The following CWC22 variants were observed in gnomAD, a reference collection of about 807,000 sequenced individuals.
CWC22 encodes pre-mRNA-splicing factor CWC22 homolog.
In CWC22, 53 loss-of-function variants were observed where a neutral mutation model predicts 117.2. The ratio of observed to expected loss-of-function variants is 0.45; its 90% CI spans 0.36 to 0.57. The LOEUF is 0.57. Among genes scored for constraint, CWC22 ranks in the 20% least tolerant of loss-of-function variants. The pLI, the probability that CWC22 is intolerant of heterozygous loss-of-function variation, is 0.00. For synonymous variants in CWC22, 360 were observed against 355.6 expected (o/e 1.01, Z -0.14); for missense variants, 980 against 1,068.8 (o/e 0.92, Z 1.16).
chr2:179,970,255 C>T (rs185734778), intron 11 of CWC22, among the ~76,000 whole-genome samples: 2 of 151,956 alleles, frequency 1.3e-5, no homozygotes, highest in Non-Finnish European at 2.9e-5. Flanking sequence ...ATGGGTGAGA[C>T]GTAAGTGTTG....
At chr2:180,003,196 A>C (rs1687887661) in intron 1 of CWC22, among the ~76,000 whole-genome samples, 1 of 152,218 alleles carries the variant, frequency 6.6e-6, no homozygotes, top group African/African-American at 2.4e-5. Flanking sequence ...CAACACTATC[A>C]GATGCCACCC....
At chr2:179,960,903 G>A (rs181994681) in intron 13 of CWC22, among the ~76,000 whole-genome samples, 6 of 152,116 alleles carry the variant, frequency 3.9e-5, no homozygotes, top group Admixed American at 2.6e-4. Context: ...CAGTGTGGAA[G>A]AGTAAATGAT....
At chr2:179,989,244 AATAATAATTATT>A (rs1203762847) in intron 2 of CWC22, among the ~76,000 whole-genome samples, 3 of 2,412 alleles carry the variant, frequency 1.2e-3, no homozygotes, top group Non-Finnish European at 6.4e-3. Flanking sequence ...AATAAGTTAT[AATAATAATTATT>A]ATTATTATTA....
intron 13 of CWC22, among the ~76,000 whole-genome samples, chr2:179,963,256 G>T (rs1686799302): frequency 6.7e-6 from 1 of 150,102 alleles, no homozygotes; most frequent in Non-Finnish European, 1.5e-5. Flanking sequence ...CAAATGAAAG[G>T]TCAAACCCAA....
intron 1 of CWC22, 77 bp from the exon 2 acceptor site, chr2:179,993,531 G>A: frequency 3.4e-5 from 18 of 523,402 alleles, no homozygotes; most frequent in South Asian, 8.8e-5. Context: ...TCTATACAAT[G>A]GACATTTGAC....
chr2:179,969,590 T>A (rs905471199), intron 11 of CWC22, among the ~76,000 whole-genome samples: 7 of 152,176 alleles, frequency 4.6e-5, no homozygotes, highest in South Asian at 2.1e-4. Flanking sequence ...TAAAATTACA[T>A]TTTGCCCAAT....
intron 16 of CWC22, 133 bp from the exon 17 acceptor site, chr2:179,952,731 A>G (rs1445758489): frequency 1.1e-5 from 5 of 470,624 alleles, no homozygotes; most frequent in African/African-American, 8.1e-5. Flanking sequence ...TTATCTCTGA[A>G]TATCTCCCCT....
At chr2:179,998,454 G>A (rs1687763223) in intron 1 of CWC22, among the ~76,000 whole-genome samples, 1 of 151,912 alleles carries the variant, frequency 6.6e-6, no homozygotes, top group African/African-American at 2.4e-5. Context: ...GAGAATTCAA[G>A]CAATTTGTCC....
chr2:179,997,593 T>A (rs12468986), intron 1 of CWC22, among the ~76,000 whole-genome samples: 1 of 152,096 alleles, frequency 6.6e-6, no homozygotes, highest in African/African-American at 2.4e-5. Flanking sequence ...TTACTTTTGC[T>A]CAAAGATATT....
intron 4 of CWC22, among the ~76,000 whole-genome samples, chr2:179,983,722 C>T (rs1393958432): frequency 6.6e-6 from 1 of 151,940 alleles, no homozygotes; most frequent in African/African-American, 2.4e-5. Flanking sequence ...CTGTATACAC[C>T]AAGAGTGAAC....
chr2:179,954,134 T>C, intron 16 of CWC22, 71 bp downstream of exon 16: 1 of 1,172,030 alleles, frequency 8.5e-7, no homozygotes, highest in Non-Finnish European at 1.2e-6. Flanking sequence ...TAAATATGGC[T>C]AGCTTATACG....
intron 4 of CWC22, among the ~76,000 whole-genome samples, chr2:179,985,254 G>T (rs1366781472): frequency 2.0e-5 from 3 of 152,040 alleles, no homozygotes; most frequent in Non-Finnish European, 4.4e-5. Context: ...CCTGGAAATT[G>T]TCTGCATCAC....
At chr2:179,972,276 T>C (rs1010898781) in intron 8 of CWC22, among the ~76,000 whole-genome samples, 1 of 152,188 alleles carries the variant, frequency 6.6e-6, no homozygotes, top group Non-Finnish European at 1.5e-5. Flanking sequence ...GAAATGATAA[T>C]ATATATCTGA....
intron 13 of CWC22, among the ~76,000 whole-genome samples, chr2:179,962,498 ATATAGT>A (rs551527833): frequency 3.0e-4 from 45 of 152,150 alleles, no homozygotes; most frequent in Non-Finnish European, 5.7e-4. Context: ...GCACAATTCT[ATATAGT>A]TATATAGTTT....
At chr2:179,980,184 T>C (rs963552932) in intron 5 of CWC22, among the ~76,000 whole-genome samples, 23 of 152,114 alleles carry the variant, frequency 1.5e-4, no homozygotes, top group African/African-American at 4.6e-4. Context: ...TACTGCCTTG[T>C]GCATGAGCAA....
chr2:179,971,904 G>A (rs1687044231), intron 8 of CWC22, among the ~76,000 whole-genome samples: 1 of 152,160 alleles, frequency 6.6e-6, no homozygotes, highest in East Asian at 1.9e-4. Flanking sequence ...TTTACTAGGG[G>A]AGGAGGGGTG....
intron 5 of CWC22, 133 bp from the exon 6 acceptor site, chr2:179,978,451 T>C (rs1036689807): frequency 6.5e-6 from 6 of 927,314 alleles, no homozygotes; most frequent in Non-Finnish European, 8.8e-6. Flanking sequence ...TACAGTAAAA[T>C]ATATGATGCC....
At chr2:179,994,258 A>G (rs1467984823) in intron 1 of CWC22, among the ~76,000 whole-genome samples, 1 of 152,222 alleles carries the variant, frequency 6.6e-6, no homozygotes, top group Non-Finnish European at 1.5e-5. Context: ...TAAAAGATAC[A>G]GAGAATGCAG....
In CWC22 at chr2:179,986,803, T is replaced by A. The variant is rs192226916; in HGVS notation, c.98A>T (p.Tyr33Phe). ...YQRNSSPEDR[Y>F]EEQERSPRDR... ...CCGGGGGGATCGTTCTTGTTCTTCA[T>A]ATCTAACATAAAATAAGAAAACCAA... Residue 33 changes from tyrosine to phenylalanine, a missense_variant and splice_region_variant, in exon 4 of 20, where the codon TAT (tyrosine) becomes TTT (phenylalanine). Physicochemically the swap from Tyr to Phe is conservative, Grantham distance 22 (BLOSUM62 3). Around this residue, in one of 3 missense-constraint regions of CWC22, gnomAD observed 559 missense variants for 602.3 expected, o/e 0.93. Coordinates refer to ENST00000410053, the MANE Select transcript of CWC22 (RefSeq NM_020943.3). 1,138 of 1,539,630 alleles carry A rather than the reference T, an allele frequency of 7.4e-4. 8 individuals carry two copies. The highest frequency in any genetic ancestry group is 1.5e-4 in the Non-Finnish European group (175 of 1,137,510).
Sources: gnomAD v4.1 joint callset for allele counts (sites outside exome capture counted in the v4.1 genomes callset) on GRCh38, gnomAD v4.1.1 for gene constraint, gnomAD v4.1.1 regional missense constraint, MANE v1.5 for transcripts, NCBI Gene and HGNC (gene_info 2026-07-23, HGNC 2026-07-21) for gene names.